MDGA2: variants seen among roughly 807,000 people sequenced by gnomAD.
The protein encoded by MDGA2 is MAM domain containing glycosylphosphatidylinositol anchor 2.
Under a neutral mutation model 117.8 loss-of-function variants are expected in MDGA2, and 40 were observed. The ratio of observed to expected loss-of-function variants is 0.34; its 90% CI spans 0.26 to 0.44. The LOEUF is 0.44. Ranked by LOEUF, MDGA2 falls within the 20% of genes least tolerant of loss-of-function variation. The pLI is 1.00. For synonymous variants in MDGA2, 452 were observed against 439.0 expected, an observed-to-expected ratio of 1.03 and a Z score of -0.37; for missense variants, 1,123 against 1,250.6, an observed-to-expected ratio of 0.90 and a Z score of 1.54.
chr14:47,201,837 A>G (rs897846901), intron 3 of MDGA2, among the ~76,000 whole-genome samples: 5 of 152,120 alleles, frequency 3.3e-5, no homozygotes, highest in Non-Finnish European at 7.4e-5. Context: ...TACATCATTT[A>G]TCTTTCTTCC....
At chr14:47,510,040 C>G (rs1203804194) in intron 1 of MDGA2, among the ~76,000 whole-genome samples, 1 of 152,088 alleles carries the variant, frequency 6.6e-6, no homozygotes, top group Non-Finnish European at 1.5e-5. Flanking sequence ...ATATTTGTGT[C>G]TCATGAAAAT....
At chr14:47,619,309 T>C (rs184559508) in intron 1 of MDGA2, among the ~76,000 whole-genome samples, 2 of 152,322 alleles carry the variant, frequency 1.3e-5, no homozygotes, top group Admixed American at 6.5e-5. Context: ...GAATAAAAAT[T>C]GTACTCTTTA....
chr14:47,293,202 T>C (rs943253708), intron 2 of MDGA2, among the ~76,000 whole-genome samples: 1 of 152,168 alleles, frequency 6.6e-6, no homozygotes, highest in African/African-American at 2.4e-5. Context: ...TGTGCTAACA[T>C]TCCCACCTCC....
chr14:46,869,327 T>C (rs1316983394), intron 14 of MDGA2, among the ~76,000 whole-genome samples: 4 of 150,804 alleles, frequency 2.7e-5, no homozygotes, highest in Non-Finnish European at 5.9e-5. Context: ...ACTTTTGTCA[T>C]ATCTAGTGAT....
At chr14:47,091,292 T>C (rs1299987958) in intron 6 of MDGA2, among the ~76,000 whole-genome samples, 3 of 152,186 alleles carry the variant, frequency 2.0e-5, no homozygotes, top group Non-Finnish European at 1.5e-5. Flanking sequence ...GGTAATATTC[T>C]AGGCTCCAAG....
At chr14:47,639,511 G>A (rs768692295) in intron 1 of MDGA2, among the ~76,000 whole-genome samples, 11 of 152,134 alleles carry the variant, frequency 7.2e-5, no homozygotes, top group South Asian at 4.1e-4. Context: ...TCCAGCATAC[G>A]GTGCTTTGCA....
chr14:47,498,384 G>A (rs1347707573), intron 1 of MDGA2, among the ~76,000 whole-genome samples: 1 of 152,088 alleles, frequency 6.6e-6, no homozygotes, highest in Non-Finnish European at 1.5e-5. Context: ...AAAATGCTGA[G>A]CAAAGGATAA....
At chr14:47,090,816 G>C (rs1433857904) in intron 6 of MDGA2, among the ~76,000 whole-genome samples, 2 of 152,158 alleles carry the variant, frequency 1.3e-5, no homozygotes, top group African/African-American at 2.4e-5. Context: ...ATGAGAGAGA[G>C]ACAAAGAGAA....
intron 1 of MDGA2, among the ~76,000 whole-genome samples, chr14:47,618,755 A>T (rs552715375): frequency 1.3e-5 from 2 of 152,230 alleles, no homozygotes; most frequent in Admixed American, 1.3e-4. Flanking sequence ...GTTTAAAAGC[A>T]AAAACAAAAA....
chr14:47,424,586 G>A (rs1183280294), intron 1 of MDGA2, among the ~76,000 whole-genome samples: 1 of 151,982 alleles, frequency 6.6e-6, no homozygotes, highest in South Asian at 2.1e-4. Flanking sequence ...TTATGAGGAT[G>A]GTTATTCTGA....
At chr14:47,425,908 CT>C (rs201460656) in intron 1 of MDGA2, among the ~76,000 whole-genome samples, 26 of 82,372 alleles carry the variant, frequency 3.2e-4, no homozygotes, top group East Asian at 1.2e-3. Flanking sequence ...AATGTATAGT[CT>C]TTTTTTTTTT....
At chr14:46,925,714 G>A (rs1046702952) in intron 9 of MDGA2, among the ~76,000 whole-genome samples, 2 of 145,678 alleles carry the variant, frequency 1.4e-5, no homozygotes, top group African/African-American at 2.5e-5. Context: ...AAATATAAAC[G>A]AACACCATGG....
chr14:47,283,570 T>C (rs1888572408), intron 2 of MDGA2, among the ~76,000 whole-genome samples: 1 of 152,140 alleles, frequency 6.6e-6, no homozygotes, highest in South Asian at 2.1e-4. Context: ...AGCAACCAGG[T>C]AAACTGTAAA....
At chr14:46,916,871 A>G (rs1883920595) in intron 10 of MDGA2, among the ~76,000 whole-genome samples, 1 of 152,208 alleles carries the variant, frequency 6.6e-6, no homozygotes, top group Non-Finnish European at 1.5e-5. Flanking sequence ...TTCTAAATAT[A>G]AAAGAAAATC....
chr14:47,185,729 T>C (rs562136221), intron 3 of MDGA2, among the ~76,000 whole-genome samples: 1 of 151,814 alleles, frequency 6.6e-6, no homozygotes, highest in Admixed American at 6.6e-5. Context: ...GCTAATCTAA[T>C]TTATGAGTAT....
Position 46,929,649 on chromosome 14 carries a change from AT to A in MDGA2, c.2090-9490del, listed in dbSNP as rs1180832509. Among the ~76,000 whole-genome samples the A allele has an allele frequency of 2.6e-3, 35 of 13,704 alleles. 3 individuals are homozygous for A. The highest frequency in any genetic ancestry group is 0.025 in the South Asian group (8 of 314). 9.0% of individuals were successfully genotyped at this position (13,704 alleles called of 152,430 possible). A position where few individuals can be genotyped will look rare whatever the true frequency, so the allele number is the denominator to read the frequency against. On this transcript the variant is annotated intron_variant, in intron 9 of 16. Coordinates refer to ENST00000399232, the MANE Select transcript of MDGA2 (RefSeq NM_001113498.3). ...TATATATATATATATATATATATACATTTTTTTTTTTTTTTTTTCGAGATGG... is the reference window on the plus strand; with the variant it reads ...TATATATATATATATATATATATACATTTTTTTTTTTTTTTTTCGAGATGG...
chr14:47,322,665 G>A (rs1328580718), intron 1 of MDGA2, among the ~76,000 whole-genome samples: 4 of 152,098 alleles, frequency 2.6e-5, no homozygotes, highest in African/African-American at 9.7e-5. Context: ...CCACATCTCA[G>A]ATTCTATTTA....
At chr14:47,442,396 G>A (rs942767960) in intron 1 of MDGA2, among the ~76,000 whole-genome samples, 2 of 152,048 alleles carry the variant, frequency 1.3e-5, no homozygotes, top group Non-Finnish European at 2.9e-5. Context: ...CCAGCAGAGG[G>A]AGACAGGACA....
intron 1 of MDGA2, among the ~76,000 whole-genome samples, chr14:47,399,077 C>G (rs904622144): frequency 6.6e-6 from 1 of 152,082 alleles, no homozygotes; most frequent in Non-Finnish European, 1.5e-5. Context: ...AAGTTATTTC[C>G]TCTCCAGCCA....
Sources: allele counts gnomAD v4.1 joint callset (sites outside exome capture counted in the v4.1 genomes callset), GRCh38; gene constraint gnomAD v4.1.1; transcripts MANE v1.5; gene names NCBI Gene and HGNC (gene_info 2026-07-23, HGNC 2026-07-21).